The following PANK1 variants were observed in gnomAD, a reference collection of about 807,000 sequenced individuals.
PANK1 encodes the protein pantothenic acid kinase 1.
PANK1 carries 18 observed loss-of-function variants against 40.1 expected under a neutral mutation model. That is an observed-to-expected ratio of 0.45 (90% CI 0.31 to 0.67). The LOEUF (loss-of-function observed/expected upper bound fraction) is 0.67. Among genes scored for constraint, PANK1 ranks in the 30% least tolerant of loss-of-function variants. The probability of loss-of-function intolerance (pLI) is 0.06; values close to 1 mark genes in which losing one functional copy is unlikely to be tolerated. For missense variants in PANK1, 457 were observed against 599.6 expected (o/e 0.76, Z 2.48); for synonymous variants, 242 against 237.7 (o/e 1.02, Z -0.17).
rs1844572699 is a variant in PANK1 at position 89,595,836 on chromosome 10, ATATATATATATAT to A, written c.900-1860_900-1848del. ...CATCTTAAAAAAAAAAAAAAAAAAT[ATATATATATATAT>A]ATATATATATATATATATATATATA... On this transcript the variant is annotated intron_variant, in intron 3 of 6. Transcript: ENST00000307534. Among the ~76,000 whole-genome samples the A allele has an allele frequency of 5.8e-4, 27 of 46,292 alleles. 1 individual carries two copies. Among genetic ancestry groups the A allele is most frequent in the South Asian group, 2.1e-3 (3 of 1,458 alleles). The allele number at this position is 46,292 out of a possible 152,430, so 30.4% of individuals were successfully genotyped here. A position where few individuals can be genotyped will look rare whatever the true frequency, so the allele number is the denominator to read the frequency against.
rs1181003621 is a variant in PANK1 at position 89,593,878 on chromosome 10, C to T, written c.1011G>A (p.Leu337=). Residue 337 remains leucine (L), a synonymous_variant, in exon 4 of 7, where the codon CTG becomes CTA. Coordinates refer to ENST00000307534, the MANE Select transcript of PANK1 (RefSeq NM_148977.3). ...AGTCTCCTCCGTAAATGTCCTTCAC[C>T]AGTTTATCAACATTGGTGCTGTCGC... is the stretch of plus-strand genomic sequence containing the variant. ...AKGDSTNVDK[L]VKDIYGGDYE... is the part of the protein sequence containing the mutation. 1 of 1,613,854 alleles carries T rather than the reference C, an allele frequency of 6.2e-7. No individual in the cohort carries two copies. Among genetic ancestry groups the T allele is most frequent in the Non-Finnish European group, 8.5e-7 (1 of 1,179,752 alleles).
intron 1 of PANK1, among the ~76,000 whole-genome samples, chr10:89,621,612 G>A (rs1348363747): frequency 6.6e-6 from 1 of 152,124 alleles, no homozygotes; most frequent in East Asian, 1.9e-4. Flanking sequence ...TCCCCATTTT[G>A]GTAGGCTGGT....
chr10:89,644,739 C>T lies in PANK1; in HGVS notation c.153G>A (p.Val51=), dbSNP rs1842065359. ...GCTGGGGCGCCGCGTCGCTGCCGCC[C>T]ACTGGACCCCGGCTGCAGACGTGCG... ...QPPHVCSRGP[V]GGSDAAPQRL... The change falls in exon 1 of 7, where the codon GTG becomes GTA. Residue 51 remains valine, a synonymous_variant. Coordinates refer to ENST00000307534, the MANE Select transcript of PANK1 (RefSeq NM_148977.3). 2 of 1,523,910 alleles carry T rather than the reference C, an allele frequency of 1.3e-6. No individual in the cohort carries two copies. The highest frequency in any genetic ancestry group is 2.3e-4 in the Middle Eastern group (1 of 4,362). The allele number at this position is 1,523,910 out of a possible 1,614,324, so 94.4% of individuals were successfully genotyped here. A position where few individuals can be genotyped will look rare whatever the true frequency, so the allele number is the denominator to read the frequency against.
At chr10:89,644,075 T>C (rs948965852) in intron 1 of PANK1, 3 of 247,380 alleles carry the variant, frequency 1.2e-5, no homozygotes, top group African/African-American at 6.7e-5. Flanking sequence ...GGCTGTGATT[T>C]TGGGGGGTAG....
Position 89,645,075 on chromosome 10 carries a change from T to C in PANK1, c.-184A>G, listed in dbSNP as rs12769113. 420,815 of 1,540,626 alleles carry C rather than the reference T, an allele frequency of 0.27. 61,233 individuals are homozygous for C. Among genetic ancestry groups the C allele is most frequent in the African/African-American group, 0.49 (34,049 of 69,782 alleles). On this transcript the variant is annotated 5_prime_UTR_variant, in exon 1 of 7. Transcript: ENST00000307534. Reference sequence around the variant, plus strand: ...CTCCTGCCGACTCCCCCACCTCCTCTGCGCCCTGCCCCCCGCGCGCCGGCC... The same window carrying C: ...CTCCTGCCGACTCCCCCACCTCCTCCGCGCCCTGCCCCCCGCGCGCCGGCC...
intron 2 of PANK1, among the ~76,000 whole-genome samples, chr10:89,604,692 C>CAAAA (rs34373242): frequency 5.8e-4 from 46 of 79,736 alleles, no homozygotes; most frequent in African/African-American, 1.5e-3. Context: ...AACTCCGTCT[C>CAAAA]AAAAAAAAAA....
chr10:89,626,455 CT>C (rs1270142735), intron 1 of PANK1: 1 of 152,364 alleles, frequency 6.6e-6, no homozygotes, highest in Non-Finnish European at 1.5e-5. Context: ...CAGGCACCCA[CT>C]ACCATGCCTG....
chr10:89,609,826 G>A (rs960104601), intron 2 of PANK1, among the ~76,000 whole-genome samples: 15 of 152,200 alleles, frequency 9.9e-5, no homozygotes, highest in Non-Finnish European at 2.2e-4. Flanking sequence ...AGAACCTTGA[G>A]AAATACACCT....
chr10:89,625,392 G>C (rs1009863131), intron 1 of PANK1, among the ~76,000 whole-genome samples: 24 of 152,154 alleles, frequency 1.6e-4, no homozygotes, highest in African/African-American at 4.6e-4. Flanking sequence ...GAGTGTAATA[G>C]GTGATTTTCA....
At chr10:89,639,185 G>T (rs1468669615) in intron 1 of PANK1, 4 of 453,512 alleles carry the variant, frequency 8.8e-6, no homozygotes, top group Non-Finnish European at 1.8e-5. Flanking sequence ...TCGAGGGACT[G>T]CATCTGGTGA....
At chr10:89,610,526 T>C (rs551536775) in intron 2 of PANK1, among the ~76,000 whole-genome samples, 9 of 152,308 alleles carry the variant, frequency 5.9e-5, no homozygotes, top group African/African-American at 2.2e-4. Flanking sequence ...TAGGACTCTG[T>C]TGCCTGCCCT....
chr10:89,627,367 A>G (rs544664464), intron 1 of PANK1, among the ~76,000 whole-genome samples: 22 of 152,362 alleles, frequency 1.4e-4, no homozygotes, highest in African/African-American at 5.3e-4. Context: ...GAGATGATTT[A>G]AAGTATATGG....
intron 1 of PANK1, among the ~76,000 whole-genome samples, chr10:89,614,650 AG>A (rs1845265074): frequency 6.6e-6 from 1 of 151,970 alleles, no homozygotes; most frequent in Admixed American, 6.6e-5. Context: ...TACAAAAATT[AG>A]CCAGGTGTGG....
At chr10:89,611,595 C>T in intron 2 of PANK1, 101 bp downstream of exon 2, 2 of 825,250 alleles carry the variant, frequency 2.4e-6, no homozygotes, top group Non-Finnish European at 3.8e-6. Context: ...ATAAGCTTGT[C>T]CAGAGTCCCA....
At chr10:89,608,807 T>G (rs1845063074) in intron 2 of PANK1, among the ~76,000 whole-genome samples, 1 of 152,256 alleles carries the variant, frequency 6.6e-6, no homozygotes, top group African/African-American at 2.4e-5. Context: ...TAGTATATAT[T>G]GATCCTTTAC....
At chr10:89,644,223 G>C (rs997456) in intron 1 of PANK1, among the ~76,000 whole-genome samples, 1 of 151,964 alleles carries the variant, frequency 6.6e-6, no homozygotes, top group Non-Finnish European at 1.5e-5. Context: ...GAGCACCCTC[G>C]GTGTGCCGCC....
At chr10:89,610,692 G>A (rs1399844734) in intron 2 of PANK1, among the ~76,000 whole-genome samples, 1 of 152,174 alleles carries the variant, frequency 6.6e-6, no homozygotes, top group African/African-American at 2.4e-5. Context: ...GATTATGTTA[G>A]TTCTGCACAA....
chr10:89,645,176 C>G lies in PANK1; in HGVS notation c.-285G>C. On this transcript the variant is annotated 5_prime_UTR_variant, in exon 1 of 7. Coordinates refer to ENST00000307534, the MANE Select transcript of PANK1 (RefSeq NM_148977.3). ...CCCGCGCACCCCCAGCCGGGGCTCCCGCCGCCCGCCTTCCCCTGATCCCCA... is the reference window on the plus strand; with the variant it reads ...CCCGCGCACCCCCAGCCGGGGCTCCGGCCGCCCGCCTTCCCCTGATCCCCA... 6.4e-7 allele frequency: 1 copy of G among 1,563,588 alleles called. No individual in the cohort carries two copies.
chr10:89,619,714 A>G (rs2133977033), intron 1 of PANK1, among the ~76,000 whole-genome samples: 1 of 152,338 alleles, frequency 6.6e-6, no homozygotes, highest in East Asian at 1.9e-4. Context: ...AGGTTCTACC[A>G]AGTTGGAGTT....
Sources: allele counts gnomAD v4.1 joint callset (sites outside exome capture counted in the v4.1 genomes callset), GRCh38; gene constraint gnomAD v4.1.1; transcripts MANE v1.5; gene names NCBI Gene and HGNC (gene_info 2026-07-23, HGNC 2026-07-21).